Variants in ANO3 observed in about 807,000 individuals in gnomAD.
The protein encoded by ANO3 is anoctamin 3, also known as anoctamin-3.
In ANO3, 99 loss-of-function variants were observed where a neutral mutation model predicts 144.8. The observed-to-expected ratio is 0.68, with a 90% CI of 0.58 to 0.81. The LOEUF is 0.81. Among genes scored for constraint, ANO3 ranks in the 30% least tolerant of loss-of-function variants. The probability of loss-of-function intolerance (pLI) is 0.00; values close to 1 mark genes in which losing one functional copy is unlikely to be tolerated. For synonymous variants in ANO3, 414 were observed against 392.6 expected, an observed-to-expected ratio of 1.05 and a Z score of -0.64; for missense variants, 905 against 1,202.2, an observed-to-expected ratio of 0.75 and a Z score of 3.66.
At chr11:26,484,720 GA>G (rs1860373754) in intron 4 of ANO3, among the ~76,000 whole-genome samples, 1 of 152,142 alleles carries the variant, frequency 6.6e-6, no homozygotes. Context: ...CTTATACCTG[GA>G]AAAGCTGCAG....
intron 1 of ANO3, among the ~76,000 whole-genome samples, chr11:26,275,308 A>G (rs1853532560): frequency 6.6e-6 from 1 of 152,170 alleles, no homozygotes; most frequent in Non-Finnish European, 1.5e-5. Flanking sequence ...AAGAGAAAAT[A>G]AAGACATATT....
chr11:26,243,399 G>A (rs1362626860), intron 1 of ANO3, among the ~76,000 whole-genome samples: 4 of 150,754 alleles, frequency 2.7e-5, no homozygotes, highest in African/African-American at 7.3e-5. Flanking sequence ...AAGCTTTGAT[G>A]TGTATACGTA....
intron 13 of ANO3, among the ~76,000 whole-genome samples, chr11:26,553,717 T>C (rs548298339): frequency 8.9e-4 from 136 of 152,198 alleles, no homozygotes; most frequent in South Asian, 8.7e-3. Flanking sequence ...GAAAATGAAA[T>C]AACATTCAAA....
intron 4 of ANO3, among the ~76,000 whole-genome samples, chr11:26,468,201 G>A (rs1053479109): frequency 6.6e-5 from 10 of 151,900 alleles, no homozygotes; most frequent in African/African-American, 2.4e-4. Context: ...AGAATCCATG[G>A]CATCCGTAGT....
At chr11:26,561,100 T>A (rs1565105337) in intron 14 of ANO3, 1 of 1,612,394 alleles carries the variant, frequency 6.2e-7, no homozygotes. Context: ...ATGTCATCCA[T>A]AGGAATGCCA....
At position 26,489,354 on chromosome 11, in the gene ANO3, G is replaced by A. The variant is rs1004917805; in HGVS notation, c.433-18750G>A. On this transcript the variant is annotated intron_variant, in intron 4 of 26. Transcript: ENST00000256737. Reference sequence around the variant, plus strand: ...TCCGCCTAGATGTTAGAGATGTATGGAAATGCCTGGATCACCAAGAAAAAG... The same window carrying A: ...TCCGCCTAGATGTTAGAGATGTATGAAAATGCCTGGATCACCAAGAAAAAG... 5.3e-5 allele frequency among the ~76,000 whole-genome samples: 8 copies of A among 152,348 alleles called. No homozygotes were observed. The South Asian group carries it at 1.4e-3, about 28-fold the overall frequency.
At chr11:26,267,720 G>A (rs1431042666) in intron 1 of ANO3, among the ~76,000 whole-genome samples, 1 of 152,066 alleles carries the variant, frequency 6.6e-6, no homozygotes, top group African/African-American at 2.4e-5. Flanking sequence ...AGTTAAATTT[G>A]CCAATTTTCT....
intron 1 of ANO3, among the ~76,000 whole-genome samples, chr11:26,274,210 A>G (rs549909025): frequency 6.6e-6 from 1 of 152,202 alleles, no homozygotes; most frequent in East Asian, 1.9e-4. Flanking sequence ...ATATACAAAT[A>G]TAAAACATAC....
At chr11:26,529,106 ATTATTAATAATATAT>A (rs1565081233) in intron 7 of ANO3, among the ~76,000 whole-genome samples, 1 of 5,328 alleles carries the variant, frequency 1.9e-4, no homozygotes, top group African/African-American at 2.4e-4. Flanking sequence ...TATTATATAT[ATTATTAATAATATAT>A]ATTATATATA....
intron 3 of ANO3, among the ~76,000 whole-genome samples, chr11:26,451,970 C>A (rs544639651): frequency 1.3e-3 from 196 of 152,286 alleles, no homozygotes; most frequent in African/African-American, 4.6e-3. Flanking sequence ...GATACCCAGG[C>A]AAACAGGGTC....
At chr11:26,252,807 CTA>C (rs1448052709) in intron 1 of ANO3, among the ~76,000 whole-genome samples, 1 of 152,122 alleles carries the variant, frequency 6.6e-6, no homozygotes, top group Non-Finnish European at 1.5e-5. Flanking sequence ...TCATTTTATG[CTA>C]TGTCTAAAGT....
intron 18 of ANO3, among the ~76,000 whole-genome samples, chr11:26,627,436 G>T (rs112995685): frequency 4.0e-5 from 6 of 151,838 alleles, no homozygotes; most frequent in Admixed American, 3.9e-4. Flanking sequence ...TAGATTGGCT[G>T]CCTGACACAT....
At chr11:26,616,798 A>G (rs1852275139) in intron 17 of ANO3, among the ~76,000 whole-genome samples, 1 of 152,038 alleles carries the variant, frequency 6.6e-6, no homozygotes, top group African/African-American at 2.4e-5. Flanking sequence ...TTTGAGATGG[A>G]GTCTCTCTCT....
chr11:26,329,325 CACAGAG>C (rs1462912083), upstream of ANO3, among the ~76,000 whole-genome samples: 144 of 106,572 alleles, frequency 1.4e-3, no homozygotes, highest in Middle Eastern at 9.8e-3. Flanking sequence ...CACACACACA[CACAGAG>C]AGAGAGAGAG....
intron 1 of ANO3, among the ~76,000 whole-genome samples, chr11:26,193,099 CTGCTATTAT>C (rs1851509430): frequency 6.7e-6 from 1 of 148,824 alleles, no homozygotes; most frequent in African/African-American, 2.5e-5. Context: ...CCCTCAAAGG[CTGCTATTAT>C]TGATAGTGGG....
chr11:26,484,100 T>C (rs1860343202), intron 4 of ANO3, among the ~76,000 whole-genome samples: 1 of 152,206 alleles, frequency 6.6e-6, no homozygotes, highest in Non-Finnish European at 1.5e-5. Flanking sequence ...AGATGTTTCC[T>C]GGCTGCTTCT....
chr11:26,341,268 C>A (rs60041137), intron 1 of ANO3, among the ~76,000 whole-genome samples: 2 of 151,666 alleles, frequency 1.3e-5, no homozygotes, highest in African/African-American at 4.8e-5. Context: ...TTATATATAG[C>A]GAAAATGTGT....
chr11:26,588,001 T>A (rs899899571), intron 14 of ANO3, among the ~76,000 whole-genome samples: 2 of 151,150 alleles, frequency 1.3e-5, no homozygotes, highest in African/African-American at 2.4e-5. Context: ...TTCATTAGAA[T>A]CAAGTCATAT....
chr11:26,329,425 C>G (rs1854980856), upstream of ANO3, among the ~76,000 whole-genome samples: 1 of 151,900 alleles, frequency 6.6e-6, no homozygotes, highest in African/African-American at 2.4e-5. Context: ...CAAAGCTGTT[C>G]CTCTAGCAAC....
Sources: allele counts gnomAD v4.1 joint callset (sites outside exome capture counted in the v4.1 genomes callset), GRCh38; gene constraint gnomAD v4.1.1; transcripts MANE v1.5; gene names NCBI Gene and HGNC (gene_info 2026-07-23, HGNC 2026-07-21).